Variants in CNTNAP2 observed in about 807,000 individuals in gnomAD.
CNTNAP2 encodes the protein contactin associated protein 2.
A neutral mutation model predicts 155.2 loss-of-function variants in CNTNAP2; 98 were observed. That is an observed-to-expected ratio of 0.63 (90% CI 0.54 to 0.75). CNTNAP2 has a LOEUF of 0.75. Ranked by LOEUF, CNTNAP2 falls within the 30% of genes least tolerant of loss-of-function variation. The pLI is 0.00. For synonymous variants in CNTNAP2, 651 were observed against 631.2 expected, an observed-to-expected ratio of 1.03 and a Z score of -0.47; for missense variants, 1,727 against 1,688.1, an observed-to-expected ratio of 1.02 and a Z score of -0.40.
intron 3 of CNTNAP2, among the ~76,000 whole-genome samples, chr7:146,917,031 C>G (rs945616602): frequency 4.6e-5 from 7 of 152,138 alleles, no homozygotes; most frequent in South Asian, 2.1e-4. Flanking sequence ...TATTATCATT[C>G]AGTTCAAAGA....
chr7:147,681,744 C>G (rs1324129346), intron 13 of CNTNAP2, among the ~76,000 whole-genome samples: 8 of 151,884 alleles, frequency 5.3e-5, no homozygotes, highest in Non-Finnish European at 1.2e-4. Context: ...GCTTTCTGTA[C>G]TTTCAGTTAA....
chr7:146,819,605 C>G (rs1563244821), intron 2 of CNTNAP2, among the ~76,000 whole-genome samples: 1 of 152,102 alleles, frequency 6.6e-6, no homozygotes, highest in Non-Finnish European at 1.5e-5. Context: ...CTACTGATGA[C>G]TCCTAAATTT....
chr7:146,450,736 A>C (rs1190941399), intron 1 of CNTNAP2, among the ~76,000 whole-genome samples: 1 of 152,186 alleles, frequency 6.6e-6, no homozygotes, highest in East Asian at 1.9e-4. Flanking sequence ...ATGTGGAATA[A>C]AAGATATTGT....
At chr7:147,472,327 G>T (rs564914435) in intron 10 of CNTNAP2, among the ~76,000 whole-genome samples, 48 of 145,920 alleles carry the variant, frequency 3.3e-4, no homozygotes, top group Non-Finnish European at 5.8e-4. Context: ...ATTCTCCTGC[G>T]TAAGCCTCCT....
intron 20 of CNTNAP2, among the ~76,000 whole-genome samples, chr7:148,242,922 C>CAAA (rs1796185390): frequency 6.6e-6 from 1 of 152,160 alleles, no homozygotes; most frequent in African/African-American, 2.4e-5. Flanking sequence ...AATTGCCTTT[C>CAAA]CTCTTATATC....
intron 14 of CNTNAP2, among the ~76,000 whole-genome samples, chr7:147,944,481 ATTG>A (rs1200966031): frequency 2.0e-5 from 3 of 152,222 alleles, no homozygotes; most frequent in Non-Finnish European, 4.4e-5. Context: ...ATCTGCCTGT[ATTG>A]TGGGCAAGAT....
intron 11 of CNTNAP2, among the ~76,000 whole-genome samples, chr7:147,543,867 G>A (rs1392725614): frequency 7.2e-5 from 11 of 152,130 alleles, no homozygotes; most frequent in African/African-American, 2.4e-4. Flanking sequence ...ATTTCAGAGA[G>A]GCTAAGTAAC....
At chr7:146,408,821 A>C (rs1023271506) in intron 1 of CNTNAP2, among the ~76,000 whole-genome samples, 18 of 152,104 alleles carry the variant, frequency 1.2e-4, no homozygotes, top group African/African-American at 4.3e-4. Flanking sequence ...GGAAGCATCT[A>C]TGTAGATATT....
chr7:147,058,751 T>A (rs1010820554), intron 4 of CNTNAP2, among the ~76,000 whole-genome samples: 2 of 152,122 alleles, frequency 1.3e-5, no homozygotes, highest in African/African-American at 4.8e-5. Context: ...GGACTACAGA[T>A]GTGTGCCACC....
At chr7:148,110,291 G>A (rs116116248) in intron 15 of CNTNAP2, among the ~76,000 whole-genome samples, 1,565 of 152,120 alleles carry the variant, frequency 0.01, 19 homozygotes, top group South Asian at 0.044. Flanking sequence ...TCTGCCTCAC[G>A]TTGCCCAGTA....
chr7:148,341,966 C>T (rs1256171719), intron 21 of CNTNAP2, among the ~76,000 whole-genome samples: 2 of 152,082 alleles, frequency 1.3e-5, no homozygotes, highest in African/African-American at 2.4e-5. Flanking sequence ...TGTGTTGTGC[C>T]CTGTGGAGCT....
intron 15 of CNTNAP2, among the ~76,000 whole-genome samples, chr7:148,075,261 AC>A (rs1803463059): frequency 6.6e-6 from 1 of 152,052 alleles, no homozygotes; most frequent in Non-Finnish European, 1.5e-5. Flanking sequence ...ACATGGTGAA[AC>A]CCCGTCTCTA....
chr7:147,757,867 T>C (rs189884478), intron 13 of CNTNAP2, among the ~76,000 whole-genome samples: 1 of 152,286 alleles, frequency 6.6e-6, no homozygotes, highest in East Asian at 1.9e-4. Flanking sequence ...GTTGCCGTCT[T>C]GATTACATAG....
intron 1 of CNTNAP2, among the ~76,000 whole-genome samples, chr7:146,306,175 C>A (rs1393656811): frequency 6.6e-6 from 1 of 152,112 alleles, no homozygotes; most frequent in Non-Finnish European, 1.5e-5. Context: ...TGCACACATA[C>A]ACCCTCCCAG....
chr7:146,631,229 A>G (rs1263239170), intron 1 of CNTNAP2, among the ~76,000 whole-genome samples: 1 of 152,204 alleles, frequency 6.6e-6, no homozygotes, highest in East Asian at 1.9e-4. Context: ...CCAATGGAAC[A>G]GGACTGTGTT....
intron 22 of CNTNAP2, among the ~76,000 whole-genome samples, chr7:148,402,004 T>C (rs536315902): frequency 1.3e-5 from 2 of 152,190 alleles, no homozygotes; most frequent in Admixed American, 6.5e-5. Context: ...TGAAAGGCAA[T>C]TGAGACAATT....
chr7:147,070,635 A>C (rs1799872333), intron 4 of CNTNAP2, among the ~76,000 whole-genome samples: 1 of 152,140 alleles, frequency 6.6e-6, no homozygotes, highest in Non-Finnish European at 1.5e-5. Context: ...AGAGCTTTGC[A>C]TTTGTCATTA....
At chr7:147,009,006 G>T (rs1336851417) in intron 3 of CNTNAP2, among the ~76,000 whole-genome samples, 17 of 149,578 alleles carry the variant, frequency 1.1e-4, no homozygotes, top group Admixed American at 4.7e-4. Context: ...TATTTTTAAT[G>T]CTCAATTGGG....
intron 1 of CNTNAP2, among the ~76,000 whole-genome samples, chr7:146,319,505 A>G (rs2129092152): frequency 6.6e-6 from 1 of 152,302 alleles, no homozygotes; most frequent in African/African-American, 2.4e-5. Flanking sequence ...TTAGAAAATA[A>G]TGCTGAAGAC....
Sources: allele counts gnomAD v4.1 joint callset (sites outside exome capture counted in the v4.1 genomes callset), GRCh38; gene constraint gnomAD v4.1.1; transcripts MANE v1.5; gene names NCBI Gene and HGNC (gene_info 2026-07-23, HGNC 2026-07-21).